Variants in AGMO observed in about 807,000 individuals in gnomAD.
AGMO encodes the protein alkylglycerol monooxygenase.
In AGMO, 75 loss-of-function variants were observed where a neutral mutation model predicts 60.2. The ratio of observed to expected loss-of-function variants is 1.25; its 90% confidence interval spans 1.03 to 1.51. AGMO has a LOEUF of 1.51. Ranked by LOEUF, AGMO falls within the 40% of genes most tolerant of loss-of-function variation. AGMO has a pLI of 0.00. For synonymous variants in AGMO, 261 were observed against 177.1 expected (o/e 1.47, Z -3.76); for missense variants, 763 against 525.5 (o/e 1.45, Z -4.42).
At chr7:15,540,913 G>T (rs1460511195) in intron 3 of AGMO, among the ~76,000 whole-genome samples, 1 of 151,918 alleles carries the variant, frequency 6.6e-6, no homozygotes, top group Non-Finnish European at 1.5e-5. Flanking sequence ...ACAAATATAC[G>T]CACTCATGTA....
chr7:15,342,802 A>AAG (rs1781906072), intron 12 of AGMO, among the ~76,000 whole-genome samples: 1 of 107,180 alleles, frequency 9.3e-6, no homozygotes, highest in South Asian at 2.7e-4. Context: ...AAAAAAAAAA[A>AAG]AAATTGATCT....
intron 12 of AGMO, among the ~76,000 whole-genome samples, chr7:15,286,524 T>C (rs1475009302): frequency 2.0e-5 from 3 of 152,078 alleles, no homozygotes; most frequent in Non-Finnish European, 4.4e-5. Flanking sequence ...CACAATGAGA[T>C]ACCATCTCAC....
the AGMO span, among the ~76,000 whole-genome samples, chr7:15,163,085 T>C: frequency 2.0e-4 from 30 of 152,132 alleles, no homozygotes; most frequent in African/African-American, 6.8e-4. Flanking sequence ...CGGGGGCTTA[T>C]TGTAATTGAA....
chr7:15,421,250 C>A (rs187677933), intron 4 of AGMO, among the ~76,000 whole-genome samples: 1 of 151,978 alleles, frequency 6.6e-6, no homozygotes, highest in African/African-American at 2.4e-5. Flanking sequence ...AGCCTGTGTG[C>A]GTGGGAGAGT....
At chr7:15,272,312 A>T (rs948274109) in intron 12 of AGMO, among the ~76,000 whole-genome samples, 3 of 115,744 alleles carry the variant, frequency 2.6e-5, no homozygotes, top group African/African-American at 1.0e-4. Flanking sequence ...CAGGTGTGTG[A>T]CACTCCCCTT....
chr7:15,167,219 T>G, the AGMO span, among the ~76,000 whole-genome samples: 2 of 151,794 alleles, frequency 1.3e-5, no homozygotes, highest in African/African-American at 2.4e-5. Context: ...CTGTGGAGAG[T>G]TTGAAAAACA....
the AGMO span, among the ~76,000 whole-genome samples, chr7:15,165,637 A>C: frequency 6.6e-6 from 1 of 152,198 alleles, no homozygotes; most frequent in Admixed American, 6.5e-5. Context: ...AGAGTAGCAT[A>C]TCTGAAAAGT....
At chr7:15,263,164 CTT>C (rs755989344) in intron 12 of AGMO, among the ~76,000 whole-genome samples, 7 of 151,858 alleles carry the variant, frequency 4.6e-5, no homozygotes, top group Non-Finnish European at 1.0e-4. Flanking sequence ...GGGAGAAAAT[CTT>C]CACAATCCAT....
At chr7:15,557,646 T>G (rs1258465221) in intron 2 of AGMO, among the ~76,000 whole-genome samples, 2 of 152,004 alleles carry the variant, frequency 1.3e-5, no homozygotes, top group African/African-American at 4.8e-5. Flanking sequence ...CACCATAGTT[T>G]TATATAACAA....
At chr7:15,309,390 G>T (rs1780702537) in intron 12 of AGMO, among the ~76,000 whole-genome samples, 1 of 152,062 alleles carries the variant, frequency 6.6e-6, no homozygotes, top group Non-Finnish European at 1.5e-5. Context: ...TGTGTTGTGA[G>T]AATCTTCAAA....
chr7:15,200,060 G>A (rs966297303), downstream of AGMO, among the ~76,000 whole-genome samples: 2 of 151,964 alleles, frequency 1.3e-5, no homozygotes, highest in Non-Finnish European at 2.9e-5. Flanking sequence ...GTGATACATA[G>A]GCAAAGCTCA....
At chr7:15,211,772 A>T (rs1781599223) in intron 12 of AGMO, among the ~76,000 whole-genome samples, 1 of 152,050 alleles carries the variant, frequency 6.6e-6, no homozygotes, top group Admixed American at 6.6e-5. Flanking sequence ...TTTTATACAG[A>T]TCTTTTTCAG....
the AGMO span, among the ~76,000 whole-genome samples, chr7:15,126,193 T>A: frequency 2.0e-5 from 3 of 152,108 alleles, no homozygotes; most frequent in Non-Finnish European, 4.4e-5. Context: ...CTACTAGCTG[T>A]ATATTTTCAT....
At chr7:15,176,824 G>A in the AGMO span, among the ~76,000 whole-genome samples, 5 of 151,892 alleles carry the variant, frequency 3.3e-5, no homozygotes, top group Non-Finnish European at 7.4e-5. Context: ...GAGAAGTTTT[G>A]GTGTTACTGA....
intron 12 of AGMO, among the ~76,000 whole-genome samples, chr7:15,275,195 T>C (rs1405290034): frequency 6.6e-6 from 1 of 152,118 alleles, no homozygotes; most frequent in African/African-American, 2.4e-5. Flanking sequence ...ACAATAACCT[T>C]TTCCTCTTAG....
chr7:15,139,740 C>T, the AGMO span, among the ~76,000 whole-genome samples: 1 of 146,290 alleles, frequency 6.8e-6, no homozygotes, highest in African/African-American at 2.6e-5. Flanking sequence ...GAGATTGTGC[C>T]AAATTTCTTT....
intron 5 of AGMO, among the ~76,000 whole-genome samples, chr7:15,397,767 A>G (rs189709958): frequency 4.7e-4 from 72 of 152,336 alleles, no homozygotes; most frequent in Non-Finnish European, 7.4e-4. Context: ...ACCAAAGATT[A>G]TTTGTATTTT....
intron 12 of AGMO, among the ~76,000 whole-genome samples, chr7:15,255,835 T>G (rs10227108): frequency 6.6e-6 from 1 of 152,124 alleles, no homozygotes; most frequent in East Asian, 1.9e-4. Context: ...AGGTGAATGT[T>G]TGAAATTGGC....
chr7:15,135,974 C>CTTTTTTTTTTTTTTTTTTTTTTTTTTT, the AGMO span, among the ~76,000 whole-genome samples: 1 of 63,808 alleles, frequency 1.6e-5, no homozygotes, highest in African/African-American at 4.0e-5. Flanking sequence ...TATATTTTTT[C>CTTTTTTTTTTTTTTTTTTTTTTTTTTT]TTTTCTTTTT....
Sources: gnomAD v4.1 joint callset for allele counts (sites outside exome capture counted in the v4.1 genomes callset) on GRCh38, gnomAD v4.1.1 for gene constraint, MANE v1.5 for transcripts, NCBI Gene and HGNC (gene_info 2026-07-23, HGNC 2026-07-21) for gene names.